The following SCHIP1 variants were observed in gnomAD, a reference collection of about 807,000 sequenced individuals.
SCHIP1 encodes the protein schwannomin interacting protein 1.
A neutral mutation model predicts 29.7 loss-of-function variants in SCHIP1; 8 were observed. The ratio of observed to expected loss-of-function variants is 0.27; its 90% CI spans 0.16 to 0.49. SCHIP1 has a LOEUF of 0.49. SCHIP1 is among the 20% of genes least tolerant of loss of function. The probability of loss-of-function intolerance (pLI) is 0.99; values close to 1 mark genes in which losing one functional copy is unlikely to be tolerated. For synonymous variants in SCHIP1, 76 were observed against 94.9 expected (o/e 0.80, Z 1.16); for missense variants, 193 against 294.6 (o/e 0.66, Z 2.52).
At chr3:159,538,898 A>G in the SCHIP1 span, among the ~76,000 whole-genome samples, 2 of 152,082 alleles carry the variant, frequency 1.3e-5, no homozygotes, top group Non-Finnish European at 2.9e-5. Flanking sequence ...TAATCCTTTC[A>G]TATATGCTAT....
chr3:159,609,214 G>A, the SCHIP1 span, among the ~76,000 whole-genome samples: 3 of 152,156 alleles, frequency 2.0e-5, no homozygotes. Flanking sequence ...AGCTATTCTA[G>A]TCGATCCTTT....
At chr3:159,798,755 C>T in the SCHIP1 span, among the ~76,000 whole-genome samples, 1 of 151,816 alleles carries the variant, frequency 6.6e-6, no homozygotes, top group East Asian at 1.9e-4. Context: ...GAGACTCTGT[C>T]TCAAAAAACA....
At chr3:159,609,688 G>C in the SCHIP1 span, among the ~76,000 whole-genome samples, 2 of 152,218 alleles carry the variant, frequency 1.3e-5, no homozygotes, top group East Asian at 3.9e-4. Flanking sequence ...AGAAGCAGCC[G>C]CTTAAAACCT....
the SCHIP1 span, among the ~76,000 whole-genome samples, chr3:159,486,391 A>T: frequency 1.3e-5 from 2 of 152,168 alleles, no homozygotes; most frequent in Non-Finnish European, 2.9e-5. Flanking sequence ...AAATGAGACC[A>T]TGCAGTATTT....
At chr3:159,562,158 C>A in the SCHIP1 span, among the ~76,000 whole-genome samples, 1 of 152,164 alleles carries the variant, frequency 6.6e-6, no homozygotes, top group Non-Finnish European at 1.5e-5. Flanking sequence ...TTCTCTCAAT[C>A]CTTTGCTCGT....
chr3:159,393,116 G>C, the SCHIP1 span, among the ~76,000 whole-genome samples: 2 of 152,298 alleles, frequency 1.3e-5, no homozygotes, highest in African/African-American at 4.8e-5. Flanking sequence ...GTCTTCTTTT[G>C]AGAAGTATCT....
the SCHIP1 span, among the ~76,000 whole-genome samples, chr3:159,382,235 C>T: frequency 7.3e-6 from 1 of 136,800 alleles, no homozygotes; most frequent in Non-Finnish European, 1.6e-5. Flanking sequence ...ATTAGGTATT[C>T]TCCTAATGCT....
the SCHIP1 span, among the ~76,000 whole-genome samples, chr3:159,393,988 A>G: frequency 6.6e-6 from 1 of 151,808 alleles, no homozygotes; most frequent in Non-Finnish European, 1.5e-5. Flanking sequence ...CTTTTATCTC[A>G]TTGAGCAATG....
the SCHIP1 span, among the ~76,000 whole-genome samples, chr3:159,305,767 A>G: frequency 6.6e-6 from 1 of 152,204 alleles, no homozygotes; most frequent in African/African-American, 2.4e-5. Context: ...TTTGATTTAG[A>G]TAAGAAAACC....
At chr3:159,629,465 C>A in the SCHIP1 span, among the ~76,000 whole-genome samples, 6 of 152,154 alleles carry the variant, frequency 3.9e-5, no homozygotes, top group Non-Finnish European at 8.8e-5. Context: ...CCTACCAAAT[C>A]TTATTGTTCA....
chr3:159,668,551 C>T, the SCHIP1 span, among the ~76,000 whole-genome samples: 2 of 152,152 alleles, frequency 1.3e-5, no homozygotes, highest in South Asian at 4.2e-4. Context: ...TGGCGTGTCT[C>T]ATCATCTTCA....
the SCHIP1 span, among the ~76,000 whole-genome samples, chr3:159,723,119 A>C: frequency 6.6e-6 from 1 of 152,186 alleles, no homozygotes; most frequent in Non-Finnish European, 1.5e-5. Context: ...TAGCTCATCC[A>C]AAATTTGAGA....
At chr3:159,690,438 G>T in the SCHIP1 span, among the ~76,000 whole-genome samples, 4 of 152,112 alleles carry the variant, frequency 2.6e-5, no homozygotes, top group Non-Finnish European at 5.9e-5. Flanking sequence ...GATCAGTGGT[G>T]ATCTCCCCTT....
chr3:159,567,966 A>G, the SCHIP1 span, among the ~76,000 whole-genome samples: 1 of 152,088 alleles, frequency 6.6e-6, no homozygotes, highest in African/African-American at 2.4e-5. Context: ...AGGTTTTTTA[A>G]AAGGTCATTC....
intron 2 of SCHIP1, among the ~76,000 whole-genome samples, chr3:159,885,210 C>T (rs1326082688): frequency 6.6e-6 from 1 of 152,166 alleles, no homozygotes; most frequent in Non-Finnish European, 1.5e-5. Context: ...ATTCAGCATC[C>T]TCTGCCCTAA....
chr3:159,423,405 A>G, the SCHIP1 span, among the ~76,000 whole-genome samples: 11 of 152,224 alleles, frequency 7.2e-5, no homozygotes, highest in Non-Finnish European at 1.0e-4. Context: ...AGGAGATTAT[A>G]TCGCACACCT....
At chr3:159,569,807 CTCCATA>C in the SCHIP1 span, among the ~76,000 whole-genome samples, 1 of 152,198 alleles carries the variant, frequency 6.6e-6, no homozygotes, top group East Asian at 1.9e-4. Flanking sequence ...TTTCCTATTT[CTCCATA>C]TCCTCTCCAG....
intron 1 of SCHIP1, among the ~76,000 whole-genome samples, chr3:159,842,615 C>T (rs936058882): frequency 2.0e-5 from 3 of 152,092 alleles, no homozygotes; most frequent in Non-Finnish European, 4.4e-5. Context: ...TTGGACTCCG[C>T]TCCTACATTC....
chr3:159,545,639 C>T, the SCHIP1 span, among the ~76,000 whole-genome samples: 2 of 145,986 alleles, frequency 1.4e-5, no homozygotes, highest in Non-Finnish European at 3.0e-5. Context: ...ACAATATATA[C>T]AATATACATA....
Sources: allele counts gnomAD v4.1 joint callset (sites outside exome capture counted in the v4.1 genomes callset), GRCh38; gene constraint gnomAD v4.1.1; transcripts MANE v1.5; gene names NCBI Gene and HGNC (gene_info 2026-07-23, HGNC 2026-07-21).